HS3ST4: variants seen among roughly 807,000 people sequenced by gnomAD.
The protein encoded by HS3ST4 is heparan sulfate glucosamine 3-O-sulfotransferase 4.
HS3ST4 carries 17 observed loss-of-function variants against 29.2 expected under a neutral mutation model. That is an observed-to-expected ratio of 0.58 (90% CI 0.40 to 0.87). The LOEUF is 0.87. HS3ST4 is among the 40% of genes least tolerant of loss of function. The pLI is 0.00. For synonymous variants in HS3ST4, 314 were observed against 285.7 expected (o/e 1.10, Z -1.00); for missense variants, 627 against 634.5 (o/e 0.99, Z 0.13).
intron 1 of HS3ST4, among the ~76,000 whole-genome samples, chr16:25,792,463 A>G (rs1966871374): frequency 1.3e-5 from 2 of 151,958 alleles, no homozygotes; most frequent in Admixed American, 1.3e-4. Context: ...TTTTATTTAC[A>G]TGTATAATTT....
At chr16:25,701,035 A>T (rs1468295289) in intron 1 of HS3ST4, among the ~76,000 whole-genome samples, 1 of 152,160 alleles carries the variant, frequency 6.6e-6, no homozygotes, top group African/African-American at 2.4e-5. Context: ...AAGTCTGGGG[A>T]TAACTTGGTT....
chr16:25,712,080 G>A (rs929114846), intron 1 of HS3ST4, among the ~76,000 whole-genome samples: 1 of 151,898 alleles, frequency 6.6e-6, no homozygotes, highest in African/African-American at 2.4e-5. Context: ...ACACTTTTAC[G>A]TTTATAAAAA....
chr16:26,015,397 A>G (rs936737546), intron 1 of HS3ST4, among the ~76,000 whole-genome samples: 3 of 152,212 alleles, frequency 2.0e-5, no homozygotes, highest in Non-Finnish European at 4.4e-5. Context: ...ATTTTTAGAG[A>G]TGTCTTATCC....
intron 1 of HS3ST4, among the ~76,000 whole-genome samples, chr16:25,873,417 C>CCATCCATCCACCCATCCATCCATTTGT (rs1555470002): frequency 9.7e-6 from 1 of 103,248 alleles, no homozygotes; most frequent in Non-Finnish European, 2.1e-5. Flanking sequence ...CATCCATCCA[C>CCATCCATCCACCCATCCATCCATTTGT]CCATCCATCC....
At chr16:26,046,739 GTA>G (rs986488919) in intron 1 of HS3ST4, among the ~76,000 whole-genome samples, 12 of 152,068 alleles carry the variant, frequency 7.9e-5, no homozygotes, top group African/African-American at 2.9e-4. Flanking sequence ...GTGTGTGTGT[GTA>G]TGTGTGTAAA....
intron 1 of HS3ST4, among the ~76,000 whole-genome samples, chr16:25,861,153 G>C (rs1967632353): frequency 6.6e-6 from 1 of 152,212 alleles, no homozygotes; most frequent in Non-Finnish European, 1.5e-5. Flanking sequence ...CCTTGTGTGA[G>C]AGACTGATTT....
At chr16:25,911,660 C>A (rs984312986) in intron 1 of HS3ST4, among the ~76,000 whole-genome samples, 2 of 151,718 alleles carry the variant, frequency 1.3e-5, no homozygotes, top group African/African-American at 4.8e-5. Context: ...CTGGCAGGCA[C>A]CAACATACCT....
At chr16:25,781,565 A>G (rs1240577775) in intron 1 of HS3ST4, among the ~76,000 whole-genome samples, 5 of 152,114 alleles carry the variant, frequency 3.3e-5, no homozygotes, top group Non-Finnish European at 7.4e-5. Flanking sequence ...TGCACAAACT[A>G]ATTTAATCCT....
chr16:25,797,411 T>A (rs1966892585), intron 1 of HS3ST4, among the ~76,000 whole-genome samples: 1 of 152,216 alleles, frequency 6.6e-6, no homozygotes. Flanking sequence ...AATCTTCTAT[T>A]TTCTCATCTT....
chr16:25,991,866 A>T (rs1242204477), intron 1 of HS3ST4, among the ~76,000 whole-genome samples: 4 of 151,998 alleles, frequency 2.6e-5, no homozygotes, highest in African/African-American at 7.2e-5. Context: ...CTAAAAATAC[A>T]AAAAATTAGC....
chr16:25,840,452 T>C (rs541537009), intron 1 of HS3ST4, among the ~76,000 whole-genome samples: 18 of 152,348 alleles, frequency 1.2e-4, no homozygotes, highest in African/African-American at 3.6e-4. Flanking sequence ...GTTAAATAAC[T>C]CTCATATTTT....
At chr16:25,845,984 G>C (rs1206569317) in intron 1 of HS3ST4, among the ~76,000 whole-genome samples, 1 of 152,090 alleles carries the variant, frequency 6.6e-6, no homozygotes, top group Non-Finnish European at 1.5e-5. Flanking sequence ...GTTGTCCCCT[G>C]CAAGGAACAA....
chr16:26,013,075 A>C lies in HS3ST4; in HGVS notation c.735-122537A>C, dbSNP rs535238741. On this transcript the variant is annotated intron_variant, in intron 1 of 1. Transcript: ENST00000331351. ...CTACTCGGGAGGCTGAGGCAAGAGA[A>C]TCGCTTGAACTCAAGAGGCAAGAGG... 2.6e-5 allele frequency among the ~76,000 whole-genome samples: 4 copies of C among 152,308 alleles called. No homozygotes were observed. The East Asian group carries it at 7.7e-4, about 29-fold the overall frequency.
intron 1 of HS3ST4, among the ~76,000 whole-genome samples, chr16:25,883,875 G>A (rs1264993751): frequency 6.6e-6 from 1 of 152,142 alleles, no homozygotes; most frequent in African/African-American, 2.4e-5. Context: ...AGCACTTTGG[G>A]AGGCCGAGGC....
At chr16:25,842,441 G>C (rs1195866634) in intron 1 of HS3ST4, among the ~76,000 whole-genome samples, 1 of 152,150 alleles carries the variant, frequency 6.6e-6, no homozygotes, top group African/African-American at 2.4e-5. Flanking sequence ...ACTGTACTGT[G>C]ATTTTTTATT....
chr16:25,866,415 T>C (rs1310926323), intron 1 of HS3ST4, among the ~76,000 whole-genome samples: 2 of 152,154 alleles, frequency 1.3e-5, no homozygotes, highest in African/African-American at 4.8e-5. Flanking sequence ...CAAAAGCCCA[T>C]CAATGATAGA....
chr16:26,058,098 G>A (rs1275863649), intron 1 of HS3ST4, among the ~76,000 whole-genome samples: 1 of 152,170 alleles, frequency 6.6e-6, no homozygotes, highest in African/African-American at 2.4e-5. Flanking sequence ...GTTGTTGCAA[G>A]GAAAACAGCC....
At chr16:25,971,862 C>T (rs1250055445) in intron 1 of HS3ST4, among the ~76,000 whole-genome samples, 1 of 152,036 alleles carries the variant, frequency 6.6e-6, no homozygotes, top group Non-Finnish European at 1.5e-5. Context: ...ACCTGGGAGG[C>T]AGAGGTTGCA....
At chr16:25,998,018 T>C (rs1340338347) in intron 1 of HS3ST4, among the ~76,000 whole-genome samples, 2 of 152,158 alleles carry the variant, frequency 1.3e-5, no homozygotes, top group Admixed American at 6.5e-5. Flanking sequence ...GGTGGATCCA[T>C]TGAGGCCAGG....
Sources: gnomAD v4.1 joint callset for allele counts (sites outside exome capture counted in the v4.1 genomes callset) on GRCh38, gnomAD v4.1.1 for gene constraint, MANE v1.5 for transcripts, NCBI Gene and HGNC (gene_info 2026-07-23, HGNC 2026-07-21) for gene names.